The following TMEM132D variants were observed in gnomAD, a reference collection of about 807,000 sequenced individuals.
The protein encoded by TMEM132D is transmembrane protein 132D.
Under a neutral mutation model 62.3 loss-of-function variants are expected in TMEM132D, and 21 were observed. That is an observed-to-expected ratio of 0.34 (90% CI 0.24 to 0.49). The LOEUF is 0.49. Ranked by LOEUF, TMEM132D falls within the 20% of genes least tolerant of loss-of-function variation. TMEM132D has a pLI of 0.99. For missense variants in TMEM132D, 1,346 were observed against 1,402.8 expected (o/e 0.96, Z 0.65); for synonymous variants, 621 against 575.6 (o/e 1.08, Z -1.13).
intron 1 of TMEM132D, among the ~76,000 whole-genome samples, chr12:129,895,850 G>C (rs1407481749): frequency 2.6e-5 from 4 of 151,318 alleles, no homozygotes; most frequent in Non-Finnish European, 4.4e-5. Flanking sequence ...GAAGGAAGAA[G>C]AGAAAGGCTG....
rs559551496 is a variant in TMEM132D, at chr12:129,743,466, G to A, written c.80-42768C>T. On this transcript the variant is annotated intron_variant, in intron 1 of 8. Transcript: ENST00000422113. ...TTCCCGCCACCATGTGAAGAAGAAC[G>A]TGTTTGCTTCCCCTTCTGCCATGGT... 1.2e-4 allele frequency among the ~76,000 whole-genome samples: 18 copies of A among 152,244 alleles called. No homozygotes were observed. In the South Asian group the frequency reaches 3.1e-3, roughly 26 times the overall value.
chr12:129,442,499 A>AG (rs1300153537), intron 3 of TMEM132D, among the ~76,000 whole-genome samples: 1 of 152,198 alleles, frequency 6.6e-6, no homozygotes, highest in Non-Finnish European at 1.5e-5. Context: ...TGCAAATTAA[A>AG]GGGGGAAGCT....
intron 1 of TMEM132D, among the ~76,000 whole-genome samples, chr12:129,802,206 C>T (rs1422192608): frequency 2.7e-5 from 4 of 149,856 alleles, no homozygotes; most frequent in Admixed American, 1.3e-4. Context: ...AGATACTCCT[C>T]GAGAAGAGCA....
chr12:129,843,497 C>T (rs1593183760), intron 1 of TMEM132D, among the ~76,000 whole-genome samples: 1 of 152,254 alleles, frequency 6.6e-6, no homozygotes, highest in African/African-American at 2.4e-5. Context: ...AAAACCACTA[C>T]ACGCTAAATG....
intron 3 of TMEM132D, among the ~76,000 whole-genome samples, chr12:129,454,514 G>A (rs1193896073): frequency 6.6e-6 from 1 of 152,190 alleles, no homozygotes; most frequent in African/African-American, 2.4e-5. Flanking sequence ...GGAGCTGTCA[G>A]ATGGTTAAGC....
At chr12:129,211,575 A>G (rs1272665690) in intron 4 of TMEM132D, among the ~76,000 whole-genome samples, 1 of 152,218 alleles carries the variant, frequency 6.6e-6, no homozygotes, top group Non-Finnish European at 1.5e-5. Flanking sequence ...TTCTTAGATA[A>G]GATCTTATTT....
intron 4 of TMEM132D, among the ~76,000 whole-genome samples, chr12:129,286,711 C>G (rs909180091): frequency 3.3e-5 from 5 of 152,106 alleles, no homozygotes; most frequent in African/African-American, 1.2e-4. Context: ...AATGTGTGAT[C>G]TTAGCATCTA....
intron 3 of TMEM132D, among the ~76,000 whole-genome samples, chr12:129,373,226 C>G (rs1401117113): frequency 2.0e-5 from 3 of 152,176 alleles, no homozygotes; most frequent in Non-Finnish European, 4.4e-5. Flanking sequence ...CTCACCCCCA[C>G]CCCACCTTCC....
rs1476882785 is a variant in TMEM132D at position 129,371,542 on chromosome 12, A to T, written c.1116-33725T>A. Among the ~76,000 whole-genome samples the T allele has an allele frequency of 6.6e-6, 1 of 151,566 alleles. No homozygotes were observed. Among genetic ancestry groups the T allele is most frequent in the African/African-American group, 2.4e-5 (1 of 41,052 alleles). On this transcript the variant is annotated intron_variant, in intron 3 of 8. Coordinates refer to ENST00000422113, the MANE Select transcript of TMEM132D (RefSeq NM_133448.3). This position sits in a 1 kb window ranked among gnomAD's most constrained non-coding sequence, Gnocchi z 4.3. The stretch of plus-strand genomic sequence containing the variant: ...GGTGATTATGATGATGATTATGATG[A>T]TGATGATGATGATGGCGATGATGGT...
chr12:129,525,190 G>C (rs1402748424), intron 3 of TMEM132D, among the ~76,000 whole-genome samples: 1 of 138,308 alleles, frequency 7.2e-6, no homozygotes, highest in Non-Finnish European at 1.5e-5. Flanking sequence ...TTCCGAAAGT[G>C]CTGGGATTAC....
In TMEM132D at chr12:129,153,494, C is replaced by T. The variant is rs116884591; in HGVS notation, c.1443+56026G>A. Among the ~76,000 whole-genome samples, 1,395 of 152,046 alleles carry T rather than the reference C, an allele frequency of 9.2e-3. 11 individuals are homozygous for T. Among genetic ancestry groups the T allele is most frequent in the Non-Finnish European group, 0.014 (937 of 67,972 alleles). ...AAATGTCAGAACACTCCAGGCTGTG[C>T]CGTGAAGAATGGAAGGAGAGCAGTA... On this transcript the variant is annotated intron_variant, in intron 5 of 8. Coordinates refer to ENST00000422113, the MANE Select transcript of TMEM132D (RefSeq NM_133448.3).
chr12:129,586,366 G>T (rs1878030689), intron 2 of TMEM132D, among the ~76,000 whole-genome samples: 1 of 152,166 alleles, frequency 6.6e-6, no homozygotes, highest in Non-Finnish European at 1.5e-5. Flanking sequence ...ATCTTAGATT[G>T]TGCTTGTGGG....
intron 5 of TMEM132D, among the ~76,000 whole-genome samples, chr12:129,087,038 GTAT>G (rs1336445454): frequency 6.6e-6 from 1 of 152,072 alleles, no homozygotes; most frequent in African/African-American, 2.4e-5. Flanking sequence ...CTACCATACA[GTAT>G]TATTAACTAG....
chr12:129,800,999 T>G (rs1871757604), intron 1 of TMEM132D, among the ~76,000 whole-genome samples: 1 of 151,458 alleles, frequency 6.6e-6, no homozygotes, highest in African/African-American at 2.4e-5. Context: ...AATACTGCGC[T>G]TTTCTGACGG....
At chr12:129,782,457 C>T (rs1349394339) in intron 1 of TMEM132D, among the ~76,000 whole-genome samples, 2 of 152,064 alleles carry the variant, frequency 1.3e-5, no homozygotes, top group Admixed American at 6.5e-5. Flanking sequence ...GTGGGGTGCC[C>T]GTGGGGGTGG....
Position 129,524,920 on chromosome 12 carries a change from C to CTTTTTTTTTTTT in TMEM132D, c.1115+6138_1115+6139insAAAAAAAAAAAA, listed in dbSNP as rs761892015. Among the ~76,000 whole-genome samples the CTTTTTTTTTTTT allele has an allele frequency of 1.2e-3, 112 of 92,178 alleles. 7 individuals carry two copies. Among genetic ancestry groups the CTTTTTTTTTTTT allele is most frequent in the African/African-American group, 1.6e-3 (36 of 22,498 alleles). 60.5% of individuals were successfully genotyped at this position (92,178 alleles called of 152,430 possible). A position where few individuals can be genotyped will look rare whatever the true frequency, so the allele number is the denominator to read the frequency against. ...CATTTTATTATTTTCATATTTTTTT[C>CTTTTTTTTTTTT]TTTTTTCTTTTTTTTTTTTTTTTTG... On this transcript the variant is annotated intron_variant, in intron 3 of 8. Transcript: ENST00000422113.
intron 3 of TMEM132D, among the ~76,000 whole-genome samples, chr12:129,433,496 C>T (rs1408810646): frequency 6.6e-6 from 1 of 152,134 alleles, no homozygotes; most frequent in South Asian, 2.1e-4. Flanking sequence ...CTCGTTGATC[C>T]TCCTTGTGTC....
chr12:129,340,877 C>T (rs1215536596), intron 3 of TMEM132D, among the ~76,000 whole-genome samples: 2 of 152,164 alleles, frequency 1.3e-5, no homozygotes. Context: ...GAAGGTTGTA[C>T]CTTGAGCTTG....
intron 2 of TMEM132D, among the ~76,000 whole-genome samples, chr12:129,634,162 C>T (rs182669564): frequency 4.6e-5 from 7 of 152,234 alleles, no homozygotes; most frequent in South Asian, 2.1e-4. Context: ...GTCCCCGGCA[C>T]ACACACTGGG....
Sources: allele counts gnomAD v4.1 joint callset (sites outside exome capture counted in the v4.1 genomes callset), GRCh38; gene constraint gnomAD v4.1.1; non-coding constraint Gnocchi (gnomAD v3.1); transcripts MANE v1.5; gene names NCBI Gene and HGNC (gene_info 2026-07-23, HGNC 2026-07-21).